Variants in CRPPA observed in about 807,000 individuals in gnomAD.
CRPPA encodes D-ribitol-5-phosphate cytidylyltransferase.
In CRPPA, 43 loss-of-function variants were observed where a neutral mutation model predicts 52.0. The ratio of observed to expected loss-of-function variants is 0.83; its 90% CI spans 0.65 to 1.07. The LOEUF is 1.07. CRPPA is among the 50% of genes least tolerant of loss of function. The probability of loss-of-function intolerance (pLI) is 0.00; values close to 1 mark genes in which losing one functional copy is unlikely to be tolerated. For synonymous variants in CRPPA, 250 were observed against 203.5 expected, an observed-to-expected ratio of 1.23 and a Z score of -1.94; for missense variants, 629 against 551.7, an observed-to-expected ratio of 1.14 and a Z score of -1.40.
intron 3 of CRPPA, among the ~76,000 whole-genome samples, chr7:16,359,204 C>T (rs560974562): frequency 1.3e-5 from 2 of 152,290 alleles, no homozygotes; most frequent in South Asian, 4.1e-4. Context: ...TCACTGTAAC[C>T]TAGAACTCCT....
rs75551405 is a variant in CRPPA at position 16,323,198 on chromosome 7, T to C, written c.685-14571A>G. On this transcript the variant is annotated intron_variant, in intron 3 of 9. Coordinates refer to ENST00000407010, the MANE Select transcript of CRPPA (RefSeq NM_001101426.4). Reference sequence around the variant, plus strand: ...CCAGATAAAGAGATGCTGAGCATGATGGTGTGACTAGATGAGAATTTAAGG... The same window carrying C: ...CCAGATAAAGAGATGCTGAGCATGACGGTGTGACTAGATGAGAATTTAAGG... Among the ~76,000 whole-genome samples the C allele has an allele frequency of 4.8e-3, 733 of 152,306 alleles. 5 individuals are homozygous for C. The highest frequency in any genetic ancestry group is 0.017 in the African/African-American group (704 of 41,578).
At chr7:16,110,185 T>G (rs1474278245) in intron 9 of CRPPA, among the ~76,000 whole-genome samples, 1 of 152,074 alleles carries the variant, frequency 6.6e-6, no homozygotes. Context: ...ACATTCATGA[T>G]AGCTGTAAAA....
At chr7:16,285,260 T>C (rs934982390) in intron 5 of CRPPA, among the ~76,000 whole-genome samples, 2 of 152,150 alleles carry the variant, frequency 1.3e-5, no homozygotes, top group African/African-American at 4.8e-5. Flanking sequence ...AATATAATAA[T>C]CTAGTCTTTT....
intron 5 of CRPPA, among the ~76,000 whole-genome samples, chr7:16,289,545 G>A (rs1374138994): frequency 6.6e-6 from 1 of 152,062 alleles, no homozygotes; most frequent in Admixed American, 6.6e-5. Context: ...CCATAAATGT[G>A]ATACATCACT....
chr7:16,403,464 C>G lies in CRPPA; in HGVS notation c.534+2597G>C, dbSNP rs549129820. Among the ~76,000 whole-genome samples the G allele has an allele frequency of 2.6e-5, 4 of 152,180 alleles. No individual in the cohort carries two copies. The South Asian group carries it at 8.3e-4, about 32-fold the overall frequency. On this transcript the variant is annotated intron_variant, in intron 2 of 9. Transcript: ENST00000407010. The stretch of plus-strand genomic sequence containing the variant: ...TGTTAGCATACATAACCCACCCCTC[C>G]CCCTAAAGATAATCACAGTGTAGCT...
chr7:16,348,940 T>G (rs925524460), intron 3 of CRPPA, among the ~76,000 whole-genome samples: 1 of 152,196 alleles, frequency 6.6e-6, no homozygotes, highest in African/African-American at 2.4e-5. Context: ...TATTCCTGAA[T>G]AGTCCTAGAC....
At chr7:16,227,554 T>C (rs1202226933) in intron 8 of CRPPA, among the ~76,000 whole-genome samples, 1 of 151,894 alleles carries the variant, frequency 6.6e-6, no homozygotes, top group Non-Finnish European at 1.5e-5. Flanking sequence ...TCAGGTCTTC[T>C]ACTGTTTTGT....
At chr7:16,254,252 G>C (rs1783550085) in intron 8 of CRPPA, among the ~76,000 whole-genome samples, 1 of 152,140 alleles carries the variant, frequency 6.6e-6, no homozygotes, top group African/African-American at 2.4e-5. Context: ...ATACCCAAAA[G>C]ATTATAAATC....
intron 2 of CRPPA, among the ~76,000 whole-genome samples, chr7:16,397,249 T>C (rs925934265): frequency 2.4e-4 from 36 of 152,182 alleles, no homozygotes; most frequent in African/African-American, 8.7e-4. Context: ...GTAACTGACA[T>C]GTACACATGA....
intron 2 of CRPPA, among the ~76,000 whole-genome samples, chr7:16,395,978 C>T (rs1197973922): frequency 6.6e-6 from 1 of 152,204 alleles, no homozygotes; most frequent in Non-Finnish European, 1.5e-5. Flanking sequence ...CATAGCACCT[C>T]AGAGAATAGG....
At chr7:16,356,574 A>G (rs1583544639) in intron 3 of CRPPA, among the ~76,000 whole-genome samples, 2 of 152,338 alleles carry the variant, frequency 1.3e-5, no homozygotes, top group South Asian at 4.1e-4. Context: ...TGAACGCTGC[A>G]TAAAGTTCCC....
intron 5 of CRPPA, among the ~76,000 whole-genome samples, chr7:16,299,895 T>C (rs1447349272): frequency 6.6e-6 from 1 of 152,188 alleles, no homozygotes; most frequent in Non-Finnish European, 1.5e-5. Flanking sequence ...ATTATATTCC[T>C]CAGTCGAACT....
chr7:16,375,372 C>A (rs1786855384), intron 3 of CRPPA, among the ~76,000 whole-genome samples: 2 of 152,180 alleles, frequency 1.3e-5, no homozygotes, highest in South Asian at 4.1e-4. Flanking sequence ...TAACTATTTA[C>A]TCAATGTGCA....
chr7:16,264,901 C>A (rs1002679348), intron 6 of CRPPA, among the ~76,000 whole-genome samples: 8 of 152,186 alleles, frequency 5.3e-5, no homozygotes, highest in Non-Finnish European at 1.0e-4. Context: ...TTGAATCTAT[C>A]TCCAGAACGT....
At chr7:16,413,191 T>C (rs1005970158) in intron 1 of CRPPA, among the ~76,000 whole-genome samples, 2 of 152,206 alleles carry the variant, frequency 1.3e-5, no homozygotes, top group African/African-American at 2.4e-5. Flanking sequence ...CAGCAAAATA[T>C]TGAACTGGCA....
At chr7:16,157,881 T>TA (rs1562530602) in intron 9 of CRPPA, among the ~76,000 whole-genome samples, 1 of 151,906 alleles carries the variant, frequency 6.6e-6, no homozygotes, top group Non-Finnish European at 1.5e-5. Context: ...TCTTTTTTTT[T>TA]TTATTTTTTT....
At chr7:16,278,798 G>A (rs1208205457) in intron 5 of CRPPA, among the ~76,000 whole-genome samples, 2 of 152,154 alleles carry the variant, frequency 1.3e-5, no homozygotes, top group Non-Finnish European at 2.9e-5. Flanking sequence ...GAGATGGTCC[G>A]ATTTAAAATT....
At chr7:16,107,220 G>A (rs1319763122) in intron 9 of CRPPA, among the ~76,000 whole-genome samples, 1 of 152,076 alleles carries the variant, frequency 6.6e-6, no homozygotes. Context: ...AAGAAATAAT[G>A]GCTGAGAAAT....
chr7:16,361,833 T>C (rs886934931), intron 3 of CRPPA, among the ~76,000 whole-genome samples: 3 of 151,226 alleles, frequency 2.0e-5, no homozygotes, highest in African/African-American at 7.3e-5. Context: ...TTTAGTTATA[T>C]ATTTCATCAC....
Sources: allele counts gnomAD v4.1 joint callset (sites outside exome capture counted in the v4.1 genomes callset), GRCh38; gene constraint gnomAD v4.1.1; transcripts MANE v1.5; gene names NCBI Gene and HGNC (gene_info 2026-07-23, HGNC 2026-07-21).